Variants in IGSF21 observed in about 807,000 individuals in gnomAD.
IGSF21 encodes the protein immunoglobulin superfamily member 21.
Under a neutral mutation model 46.8 loss-of-function variants are expected in IGSF21, and 28 were observed. The ratio of observed to expected loss-of-function variants is 0.60; its 90% CI spans 0.44 to 0.82. The LOEUF (loss-of-function observed/expected upper bound fraction) is 0.82. Among genes scored for constraint, IGSF21 ranks in the 40% least tolerant of loss-of-function variants. The pLI, the probability that IGSF21 is intolerant of heterozygous loss-of-function variation, is 0.00. For synonymous variants in IGSF21, 284 were observed against 273.6 expected (o/e 1.04, Z -0.38); for missense variants, 624 against 665.5 (o/e 0.94, Z 0.69).
chr1:18,270,258 C>T (rs903390065), intron 2 of IGSF21, among the ~76,000 whole-genome samples: 13 of 152,182 alleles, frequency 8.5e-5, no homozygotes, highest in East Asian at 1.9e-4. Flanking sequence ...CTTTGAAGAC[C>T]TCAATTTAAA....
chr1:18,112,321 C>G (rs2086152036), intron 1 of IGSF21: 1 of 152,154 alleles, frequency 6.6e-6, no homozygotes, highest in African/African-American at 2.4e-5. Flanking sequence ...CGGCCCTGAG[C>G]TTGGTAGAGG....
chr1:18,185,182 A>T (rs1412294648), intron 1 of IGSF21, among the ~76,000 whole-genome samples: 1 of 152,200 alleles, frequency 6.6e-6, no homozygotes, highest in Non-Finnish European at 1.5e-5. Context: ...ACTCTGGCTC[A>T]GCCTGGCAGA....
At chr1:18,184,343 C>T (rs1220001520) in intron 1 of IGSF21, among the ~76,000 whole-genome samples, 2 of 152,162 alleles carry the variant, frequency 1.3e-5, no homozygotes, top group Admixed American at 1.3e-4. Context: ...CTCCCTTCTC[C>T]CCCTCCCCAG....
chr1:18,221,256 A>G (rs2084507492), intron 1 of IGSF21, among the ~76,000 whole-genome samples: 1 of 152,070 alleles, frequency 6.6e-6, no homozygotes, highest in African/African-American at 2.4e-5. Flanking sequence ...CAAGGGTGAA[A>G]ACTCATCTCG....
chr1:18,191,442 C>A (rs761654760), intron 1 of IGSF21, among the ~76,000 whole-genome samples: 4 of 152,060 alleles, frequency 2.6e-5, no homozygotes, highest in Non-Finnish European at 4.4e-5. Flanking sequence ...TCAGGGGGAC[C>A]AGAGAAGGAC....
intron 4 of IGSF21, among the ~76,000 whole-genome samples, chr1:18,338,281 T>C (rs1006165582): frequency 6.6e-6 from 1 of 152,218 alleles, no homozygotes; most frequent in African/African-American, 2.4e-5. Context: ...CTCCTTCAAA[T>C]ATGTTTCAGG....
At chr1:18,135,279 A>T (rs1313404596) in intron 1 of IGSF21, among the ~76,000 whole-genome samples, 4 of 152,106 alleles carry the variant, frequency 2.6e-5, no homozygotes, top group Admixed American at 1.3e-4. Flanking sequence ...TTATTATTAT[A>T]CTTTAAGTTT....
In IGSF21 at chr1:18,282,026, C is replaced by T. The variant is rs570314944; in HGVS notation, c.184-9840C>T. On this transcript the variant is annotated intron_variant, in intron 2 of 9. Coordinates refer to ENST00000251296, the MANE Select transcript of IGSF21 (RefSeq NM_032880.5). ...TGCCCCTCCCCTCTTTGGGCCTTGG[C>T]TTTGCCTTGTGTAAAATGAGAGCCC... 4.6e-5 allele frequency among the ~76,000 whole-genome samples: 7 copies of T among 152,290 alleles called. No individual in the cohort carries two copies. The South Asian group carries it at 1.5e-3, about 32-fold the overall frequency.
intron 1 of IGSF21, among the ~76,000 whole-genome samples, chr1:18,185,408 A>G (rs1427854980): frequency 6.6e-6 from 1 of 152,198 alleles, no homozygotes; most frequent in East Asian, 1.9e-4. Flanking sequence ...ATGGTTGAGG[A>G]GAAACACTGG....
At chr1:18,154,803 C>T (rs539647898) in intron 1 of IGSF21, among the ~76,000 whole-genome samples, 10 of 151,988 alleles carry the variant, frequency 6.6e-5, no homozygotes, top group Non-Finnish European at 1.5e-4. Context: ...CCCTCCCTTC[C>T]TTTCTCTTCC....
In IGSF21 at chr1:18,365,485, C is replaced by A; in HGVS notation, c.803C>A (p.Thr268Lys). The A allele has an allele frequency of 6.2e-7, 1 of 1,614,078 alleles. No homozygotes were observed. Among genetic ancestry groups the A allele is most frequent in the Non-Finnish European group, 8.5e-7 (1 of 1,180,030 alleles). The change falls in exon 6 of 10, where the codon ACG (threonine) becomes AAG (lysine). Residue 268 changes from threonine to lysine, a missense_variant. Thr to Lys is a moderately conservative substitution (Grantham distance 78, BLOSUM62 -1). Transcript: ENST00000251296. This position sits in a 1 kb window ranked among gnomAD's most constrained non-coding sequence, Gnocchi z 4.8. ...LQPTTENIPETVVSREFPRWV... is the reference protein window; with the variant it reads ...LQPTTENIPEKVVSREFPRWV... ...CCAACCACAGAGAACATACCAGAGA[C>A]GGTCGTGAGCCGTGAGTTTCCCCGC... is the stretch of plus-strand genomic sequence containing the variant.
At chr1:18,229,895 C>T (rs998238150) in intron 2 of IGSF21, among the ~76,000 whole-genome samples, 4 of 152,194 alleles carry the variant, frequency 2.6e-5, no homozygotes, top group African/African-American at 7.2e-5. Context: ...CTCAGCCATC[C>T]CATAGATGGG....
intron 1 of IGSF21, among the ~76,000 whole-genome samples, chr1:18,165,325 C>T (rs563093735): frequency 6.6e-6 from 1 of 152,152 alleles, no homozygotes; most frequent in Non-Finnish European, 1.5e-5. Flanking sequence ...CCTGGACTTG[C>T]GGATGGTCAC....
intron 1 of IGSF21, among the ~76,000 whole-genome samples, chr1:18,157,561 T>C (rs2086579309): frequency 6.6e-6 from 1 of 152,242 alleles, no homozygotes; most frequent in African/African-American, 2.4e-5. Flanking sequence ...ACCATCGTCC[T>C]GTTCTCAACG....
At chr1:18,288,527 C>T (rs893574001) in intron 2 of IGSF21, among the ~76,000 whole-genome samples, 13 of 152,218 alleles carry the variant, frequency 8.5e-5, no homozygotes, top group African/African-American at 3.1e-4. Context: ...ATGTCTCAGG[C>T]GTGGAGAAAT....
intron 1 of IGSF21, among the ~76,000 whole-genome samples, chr1:18,168,462 C>T (rs994270485): frequency 1.3e-5 from 2 of 152,166 alleles, no homozygotes; most frequent in Admixed American, 6.5e-5. Flanking sequence ...CAACATCCTG[C>T]ACCCTGGGTC....
At chr1:18,251,988 A>G (rs556523511) in intron 2 of IGSF21, among the ~76,000 whole-genome samples, 1 of 150,760 alleles carries the variant, frequency 6.6e-6, no homozygotes, top group South Asian at 2.1e-4. Context: ...ATATTTGCCA[A>G]ATGGGTTTTC....
At chr1:18,293,355 C>A (rs568092107) in intron 3 of IGSF21, among the ~76,000 whole-genome samples, 5 of 152,302 alleles carry the variant, frequency 3.3e-5, no homozygotes, top group African/African-American at 1.2e-4. Context: ...GTAAGTCCAA[C>A]CCTGCATCAA....
At chr1:18,366,358 T>C (rs942782219) in intron 6 of IGSF21, among the ~76,000 whole-genome samples, 5 of 151,748 alleles carry the variant, frequency 3.3e-5, no homozygotes, top group African/African-American at 1.2e-4. Flanking sequence ...CCAGGGGAGG[T>C]CAAGATTTTT....
Sources: gnomAD v4.1 joint callset for allele counts (sites outside exome capture counted in the v4.1 genomes callset) on GRCh38, gnomAD v4.1.1 for gene constraint, Gnocchi (gnomAD v3.1) non-coding constraint, MANE v1.5 for transcripts, NCBI Gene and HGNC (gene_info 2026-07-23, HGNC 2026-07-21) for gene names.